ACTG2: variants seen among roughly 807,000 people sequenced by gnomAD.
The protein encoded by ACTG2 is actin gamma 2, smooth muscle, also known as actin, gamma-enteric smooth muscle.
In ACTG2, 16 loss-of-function variants were observed where a neutral mutation model predicts 37.6. That is an observed-to-expected ratio of 0.43 (90% CI 0.29 to 0.65). ACTG2 has a LOEUF of 0.65. Ranked by LOEUF, ACTG2 falls within the 30% of genes least tolerant of loss-of-function variation. The probability of loss-of-function intolerance (pLI) is 0.18; values close to 1 mark genes in which losing one functional copy is unlikely to be tolerated. For missense variants in ACTG2, 238 were observed against 490.9 expected (o/e 0.48, Z 4.87); for synonymous variants, 181 against 179.9 (o/e 1.01, Z -0.05).
chr2:73,907,958 G>A (rs1167105206), intron 3 of ACTG2, among the ~76,000 whole-genome samples: 1 of 152,218 alleles, frequency 6.6e-6, no homozygotes, highest in African/African-American at 2.4e-5. Flanking sequence ...CAGATTCTCA[G>A]CAGGAGATAG....
chr2:73,912,857 T>C (rs1273178057), intron 5 of ACTG2, among the ~76,000 whole-genome samples: 2 of 152,196 alleles, frequency 1.3e-5, no homozygotes, highest in Non-Finnish European at 2.9e-5. Flanking sequence ...TCATCCGTTA[T>C]GATGTGGCTG....
chr2:73,917,414 C>T (rs1680293418), intron 8 of ACTG2, among the ~76,000 whole-genome samples: 1 of 152,150 alleles, frequency 6.6e-6, no homozygotes, highest in Non-Finnish European at 1.5e-5. Context: ...ATCTACTGTC[C>T]CATCTTGGCC....
chr2:73,919,153 GC>G (rs1470119578), intron 8 of ACTG2, among the ~76,000 whole-genome samples: 1 of 152,182 alleles, frequency 6.6e-6, no homozygotes, highest in African/African-American at 2.4e-5. Context: ...AAGTACACAA[GC>G]ATATTTCAAG....
Position 73,914,732 on chromosome 2 carries a change from G to A in ACTG2, c.666G>A (p.Leu222=). 1.9e-6 allele frequency: 3 copies of A among 1,611,306 alleles called. No homozygotes were observed. The highest frequency in any genetic ancestry group is 2.5e-6 in the Non-Finnish European group (3 of 1,178,608). ...AGGAGAAGCTGTGCTATGTGGCCCT[G>A]GATTTTGAGAATGAGATGGCCACAG... ...DIKEKLCYVA[L]DFENEMATAA... Residue 222 remains leucine, a synonymous_variant, in exon 7 of 9, where the codon CTG becomes CTA. Coordinates refer to ENST00000345517, the MANE Select transcript of ACTG2 (RefSeq NM_001615.4).
intron 7 of ACTG2, among the ~76,000 whole-genome samples, chr2:73,916,367 C>T (rs956900594): frequency 9.0e-6 from 1 of 111,516 alleles, no homozygotes; most frequent in African/African-American, 3.0e-5. Context: ...GAGCAGACTC[C>T]ATCTCAGAAA....
chr2:73,917,191 A>G (rs1167627877), intron 8 of ACTG2, among the ~76,000 whole-genome samples: 2 of 152,024 alleles, frequency 1.3e-5, no homozygotes, highest in African/African-American at 2.4e-5. Context: ...GTCTCTAAAA[A>G]TAAATAAATA....
At chr2:73,905,769 C>G (rs1680003263) in intron 3 of ACTG2, among the ~76,000 whole-genome samples, 1 of 152,068 alleles carries the variant, frequency 6.6e-6, no homozygotes, top group Non-Finnish European at 1.5e-5. Context: ...CTTTTAGAAT[C>G]TTCTTCTTTG....
chr2:73,912,223 TCTC>T (rs1680154390), intron 5 of ACTG2, among the ~76,000 whole-genome samples: 1 of 152,238 alleles, frequency 6.6e-6, no homozygotes, highest in Non-Finnish European at 1.5e-5. Flanking sequence ...AATGATGTGA[TCTC>T]AGCACACCAC....
At chr2:73,918,120 CA>C (rs1366326857) in intron 8 of ACTG2, among the ~76,000 whole-genome samples, 1 of 152,164 alleles carries the variant, frequency 6.6e-6, no homozygotes, top group Non-Finnish European at 1.5e-5. Context: ...AGGGAAAGGA[CA>C]CTCTAAGCAG....
chr2:73,901,194 G>C, intron 1 of ACTG2, 82 bp from the exon 2 acceptor site: 1 of 1,178,116 alleles, frequency 8.5e-7, no homozygotes, highest in Non-Finnish European at 1.1e-6. Context: ...TTGCAGGTAG[G>C]GTCAGGCCCC....
At chr2:73,902,215 C>T in intron 2 of ACTG2, 145 bp from the exon 3 acceptor site, 1 of 910,716 alleles carries the variant, frequency 1.1e-6, no homozygotes, top group Non-Finnish European at 1.6e-6. Flanking sequence ...GCATCTGCTC[C>T]ATCCTGTCTC....
chr2:73,913,320 A>C (rs1680183821), intron 5 of ACTG2, among the ~76,000 whole-genome samples, 165 bp from the exon 6 acceptor site: 1 of 152,218 alleles, frequency 6.6e-6, no homozygotes, highest in Admixed American at 6.5e-5. Flanking sequence ...AAAAAGTGAC[A>C]TACATAAAAA....
chr2:73,894,802 T>C (rs1281069797), intron 1 of ACTG2, among the ~76,000 whole-genome samples: 3 of 151,954 alleles, frequency 2.0e-5, no homozygotes, highest in Non-Finnish European at 4.4e-5. Context: ...TGAATTTAGA[T>C]AGCAAGGCAG....
Position 73,919,552 on chromosome 2 carries a change from A to G in ACTG2, c.1108A>G (p.Ile370Val), listed in dbSNP as rs1327352399. The change falls in exon 9 of 9, where the codon ATT (isoleucine) becomes GTT (valine). Residue 370 changes from isoleucine to valine, a missense_variant. Ile to Val is a conservative substitution (Grantham distance 29). Transcript: ENST00000345517. ...TGAGTATGATGAGGCAGGGCCCTCC[A>G]TTGTCCACAGGAAGTGCTTCTAAAG... The part of the protein sequence containing the change: ...KPEYDEAGPS[I>V]VHRKCF 6.2e-7 allele frequency: 1 copy of G among 1,614,096 alleles called. No individual in the cohort carries two copies. The highest frequency in any genetic ancestry group is 2.2e-5 in the East Asian group (1 of 44,886).
intron 8 of ACTG2, among the ~76,000 whole-genome samples, chr2:73,917,463 C>T (rs1680294381): frequency 6.6e-6 from 1 of 152,222 alleles, no homozygotes; most frequent in South Asian, 2.1e-4. Flanking sequence ...GGGCCTCTCG[C>T]CTCCTGGGCA....
rs1192497004 is a variant in ACTG2, at chr2:73,908,691, T to C, written c.274T>C (p.Tyr92His). The C allele has an allele frequency of 6.2e-7, 1 of 1,608,156 alleles. No homozygotes were observed. The highest frequency in any genetic ancestry group is 1.7e-5 in the Admixed American group (1 of 58,092). ...DMEKIWHHSF[Y>H]NELRVAPEEH... ...CCACTAGATCTGGCACCACTCCTTCTACAATGAGCTGCGTGTAGCACCTGA... is the reference window on the plus strand; with the variant it reads ...CCACTAGATCTGGCACCACTCCTTCCACAATGAGCTGCGTGTAGCACCTGA... The change falls in exon 4 of 9, where the codon TAC becomes CAC. Residue 92 changes from tyrosine to histidine, a missense_variant. Tyr to His is a moderately conservative substitution (Grantham distance 83, BLOSUM62 2). Transcript: ENST00000345517.
chr2:73,903,882 G>A (rs1679944678), intron 3 of ACTG2, among the ~76,000 whole-genome samples: 1 of 141,146 alleles, frequency 7.1e-6, no homozygotes, highest in Non-Finnish European at 1.5e-5. Context: ...AGAGGTTGCA[G>A]TGAGCCGAGA....
chr2:73,901,250 A>C, intron 1 of ACTG2, 26 bp from the exon 2 acceptor site: 1 of 1,472,322 alleles, frequency 6.8e-7, no homozygotes, highest in South Asian at 1.4e-5. Context: ...GTGGCTGACT[A>C]GTTCTCTTCT....
In ACTG2 at chr2:73,919,844, A is replaced by G. The variant is rs566777237; in HGVS notation, c.*269A>G. ...GAAGATCACACAGATTCCAGATTAA[A>G]ATTCAAGTATCTGACTGCAAAGCTA... On this transcript the variant is annotated 3_prime_UTR_variant, in exon 9 of 9. Transcript: ENST00000345517. 1 of 292,340 alleles carries G rather than the reference A, an allele frequency of 3.4e-6. No individual in the cohort carries two copies. Among genetic ancestry groups the G allele is most frequent in the South Asian group, 1.1e-4 (1 of 9,094 alleles). 18.1% of individuals were successfully genotyped at this position (292,340 alleles called of 1,614,324 possible). A position where few individuals can be genotyped will look rare whatever the true frequency, so the allele number is the denominator to read the frequency against.
Sources: allele counts gnomAD v4.1 joint callset (sites outside exome capture counted in the v4.1 genomes callset), GRCh38; gene constraint gnomAD v4.1.1; transcripts MANE v1.5; gene names NCBI Gene and HGNC (gene_info 2026-07-23, HGNC 2026-07-21).